The following ATP2C1 variants were observed in gnomAD, a reference collection of about 807,000 sequenced individuals.
ATP2C1 encodes ATPase secretory pathway Ca2+ transporting 1.
In ATP2C1, 31 loss-of-function variants were observed where a neutral mutation model predicts 120.5. That is an observed-to-expected ratio of 0.26 (90% CI 0.19 to 0.35). The LOEUF is 0.35. Ranked by LOEUF, ATP2C1 falls within the 10% of genes least tolerant of loss-of-function variation. ATP2C1 has a pLI of 1.00. For synonymous variants in ATP2C1, 351 were observed against 358.7 expected, an observed-to-expected ratio of 0.98 and a Z score of 0.24; for missense variants, 731 against 1,107.5, an observed-to-expected ratio of 0.66 and a Z score of 4.83.
At chr3:130,957,254 T>C (rs2060621876) in intron 11 of ATP2C1, among the ~76,000 whole-genome samples, 1 of 152,226 alleles carries the variant, frequency 6.6e-6, no homozygotes, top group African/African-American at 2.4e-5. Context: ...CCTAAAGATT[T>C]TCCCAACCTC....
At chr3:130,979,668 T>C (rs972755819) in intron 19 of ATP2C1, among the ~76,000 whole-genome samples, 1 of 37,668 alleles carries the variant, frequency 2.7e-5, no homozygotes. Flanking sequence ...GGGTAATTAT[T>C]TTTAATCTCA....
intron 2 of ATP2C1, among the ~76,000 whole-genome samples, chr3:130,902,314 T>G (rs1273386222): frequency 1.3e-5 from 1 of 76,576 alleles, no homozygotes; most frequent in Non-Finnish European, 2.9e-5. Flanking sequence ...TTTTTTTTTT[T>G]TTTTTTTTCT....
intron 18 of ATP2C1, among the ~76,000 whole-genome samples, chr3:130,977,667 A>G (rs566990764): frequency 6.6e-6 from 1 of 152,302 alleles, no homozygotes; most frequent in African/African-American, 2.4e-5. Context: ...GTACTGTAAC[A>G]TTATGAAGTA....
At chr3:130,907,310 C>A (rs1214624323) in intron 2 of ATP2C1, among the ~76,000 whole-genome samples, 1 of 151,972 alleles carries the variant, frequency 6.6e-6, no homozygotes, top group East Asian at 1.9e-4. Context: ...GTGATGAAGT[C>A]CAATTTATAT....
intron 1 of ATP2C1, among the ~76,000 whole-genome samples, chr3:130,853,836 G>A (rs1275936954): frequency 6.6e-6 from 1 of 152,140 alleles, no homozygotes; most frequent in Non-Finnish European, 1.5e-5. Context: ...GGCAGATACT[G>A]GTGTAAAGGT....
At chr3:131,014,168 G>A (rs749252404) in intron 26 of ATP2C1, 56 of 1,612,222 alleles carry the variant, frequency 3.5e-5, no homozygotes, top group Middle Eastern at 3.3e-4. Context: ...TTCTCCCTCT[G>A]TTCTTAGAAC....
At position 130,903,686 on chromosome 3, in the gene ATP2C1, C is replaced by G. The variant is rs565504670; in HGVS notation, c.6+8911C>G. 4.3e-5 allele frequency among the ~76,000 whole-genome samples: 6 copies of G among 139,748 alleles called. No homozygotes were observed. The East Asian group carries it at 1.2e-3, about 28-fold the overall frequency. 91.7% of individuals were successfully genotyped at this position (139,748 alleles called of 152,430 possible). ...TTTCCTTTTTCCTCTTTCCCCTTTC[C>G]CATTTCCCCTTTCCCCTTTCCTTTC... On this transcript the variant is annotated intron_variant, in intron 2 of 27. Coordinates refer to ENST00000510168, the MANE Select transcript of ATP2C1 (RefSeq NM_001378687.1).
intron 1 of ATP2C1, among the ~76,000 whole-genome samples, chr3:130,877,839 GTA>G (rs1280476777): frequency 6.6e-6 from 1 of 152,120 alleles, no homozygotes; most frequent in African/African-American, 2.4e-5. Flanking sequence ...ACATGCACGT[GTA>G]TGTTTATTGC....
chr3:131,007,984 G>A (rs1481022549), downstream of ATP2C1, among the ~76,000 whole-genome samples: 1 of 152,234 alleles, frequency 6.6e-6, no homozygotes, highest in Non-Finnish European at 1.5e-5. Context: ...CTGTGTGGTT[G>A]CGTAATAGGA....
At chr3:130,934,744 G>C (rs756399203) in intron 5 of ATP2C1, 33 bp downstream of exon 5, 2 of 1,396,692 alleles carry the variant, frequency 1.4e-6, no homozygotes, top group South Asian at 2.3e-5. Flanking sequence ...TTAATCTGTT[G>C]AGTAAGTGTA....
intron 1 of ATP2C1, among the ~76,000 whole-genome samples, chr3:130,886,777 A>T (rs141372011): frequency 6.6e-6 from 1 of 152,202 alleles, no homozygotes; most frequent in Non-Finnish European, 1.5e-5. Context: ...GAGTTTTCTA[A>T]AAAGAGCTAT....
intron 1 of ATP2C1, among the ~76,000 whole-genome samples, chr3:130,881,629 T>C (rs1298662765): frequency 6.6e-6 from 1 of 152,234 alleles, no homozygotes; most frequent in Non-Finnish European, 1.5e-5. Context: ...TTGCATTCAA[T>C]CAGTAGATTG....
intron 13 of ATP2C1, among the ~76,000 whole-genome samples, chr3:130,964,504 T>G (rs1219752387): frequency 6.6e-6 from 1 of 152,120 alleles, no homozygotes; most frequent in East Asian, 1.9e-4. Context: ...AAACTTTATG[T>G]GCAATATGCT....
intron 1 of ATP2C1, among the ~76,000 whole-genome samples, chr3:130,884,957 G>T: frequency 7.3e-6 from 1 of 136,778 alleles, no homozygotes; most frequent in Non-Finnish European, 1.5e-5. Context: ...TTTTAAGACG[G>T]AGTCTTGCTC....
At chr3:130,913,563 T>C (rs1472888819) in intron 2 of ATP2C1, among the ~76,000 whole-genome samples, 1 of 152,230 alleles carries the variant, frequency 6.6e-6, no homozygotes, top group Non-Finnish European at 1.5e-5. Context: ...TGTTTTTAAA[T>C]GATTGTTTTC....
rs184902511 is a variant in ATP2C1 at position 130,923,724 on chromosome 3, A to G, written c.7-6692A>G. ...CTCTACTAAAATACAAAAATTAGCC[A>G]GGTGTGGTGGCTCACGCCTGTAATC... is the stretch of plus-strand genomic sequence containing the variant. On this transcript the variant is annotated intron_variant, in intron 2 of 27. Transcript: ENST00000510168. Among the ~76,000 whole-genome samples, 306 of 148,726 alleles carry G rather than the reference A, an allele frequency of 2.1e-3. 2 individuals carry two copies. The highest frequency in any genetic ancestry group is 3.7e-3 in the Non-Finnish European group (252 of 67,282).
intron 2 of ATP2C1, among the ~76,000 whole-genome samples, chr3:130,908,075 A>C (rs1019017817): frequency 6.6e-6 from 1 of 152,106 alleles, no homozygotes; most frequent in African/African-American, 2.4e-5. Context: ...ATTAGAGTGT[A>C]GTGATGACTA....
intron 2 of ATP2C1, among the ~76,000 whole-genome samples, chr3:130,901,195 A>G (rs1307304825): frequency 6.6e-6 from 1 of 152,094 alleles, no homozygotes; most frequent in Non-Finnish European, 1.5e-5. Flanking sequence ...GTTACTGTTT[A>G]CTTAAGAGTT....
At chr3:130,919,073 C>T in intron 2 of ATP2C1, 2 of 483,282 alleles carry the variant, frequency 4.1e-6, no homozygotes, top group Admixed American at 2.4e-5. Flanking sequence ...TGGTGCACGG[C>T]CCTCCCGCAG....
Sources: allele counts gnomAD v4.1 joint callset (sites outside exome capture counted in the v4.1 genomes callset), GRCh38; gene constraint gnomAD v4.1.1; transcripts MANE v1.5; gene names NCBI Gene and HGNC (gene_info 2026-07-23, HGNC 2026-07-21).